Variants in NEK1 observed in about 807,000 individuals in gnomAD.
The protein encoded by NEK1 is NIMA related kinase 1.
In NEK1, 137 loss-of-function variants were observed where a neutral mutation model predicts 182.1. That is an observed-to-expected ratio of 0.75 (90% confidence interval 0.65 to 0.87). The LOEUF is 0.87. Ranked by LOEUF, NEK1 falls within the 40% of genes least tolerant of loss-of-function variation. The pLI, the probability that NEK1 is intolerant of heterozygous loss-of-function variation, is 0.00. For missense variants in NEK1, 1,391 were observed against 1,494.4 expected, an observed-to-expected ratio of 0.93 and a Z score of 1.14; for synonymous variants, 513 against 492.2, an observed-to-expected ratio of 1.04 and a Z score of -0.56.
chr4:169,548,451 C>G (rs1474342194), intron 18 of NEK1, among the ~76,000 whole-genome samples: 1 of 152,236 alleles, frequency 6.6e-6, no homozygotes, highest in Admixed American at 6.5e-5. Context: ...GGGTCAGGGA[C>G]CCACTTGAGG....
intron 19 of NEK1, among the ~76,000 whole-genome samples, chr4:169,518,374 T>C (rs889764098): frequency 2.3e-5 from 3 of 133,028 alleles, no homozygotes; most frequent in Admixed American, 7.2e-5. Context: ...TTTTTTATTG[T>C]GTCTATTTGA....
Position 169,400,096 on chromosome 4 carries a change from G to A in NEK1, c.3847+129C>T, listed in dbSNP as rs545152661. The A allele has an allele frequency of 2.9e-5, 26 of 906,766 alleles. No individual in the cohort carries two copies. In the African/African-American group the frequency reaches 4.1e-4, roughly 14 times the overall value. 56.2% of individuals were successfully genotyped at this position (906,766 alleles called of 1,614,324 possible). A position where few individuals can be genotyped will look rare whatever the true frequency, so the allele number is the denominator to read the frequency against. On this transcript the variant is annotated intron_variant, in intron 35 of 35. Coordinates refer to ENST00000507142, the MANE Select transcript of NEK1 (RefSeq NM_001199397.3). ...ACATGACAAAGTTAATTTTATTATTGCTTAAAAGTTATATAGTTCCCAAGT... is the reference window on the plus strand; with the variant it reads ...ACATGACAAAGTTAATTTTATTATTACTTAAAAGTTATATAGTTCCCAAGT...
intron 27 of NEK1, among the ~76,000 whole-genome samples, chr4:169,441,985 C>T (rs75184071): frequency 0.043 from 6,593 of 152,194 alleles, 507 homozygotes; most frequent in African/African-American, 0.15. Context: ...GCCACTGCCA[C>T]CATCCACCTG....
intron 18 of NEK1, among the ~76,000 whole-genome samples, chr4:169,541,007 T>G (rs760607025): frequency 2.0e-5 from 3 of 152,116 alleles, no homozygotes; most frequent in Non-Finnish European, 2.9e-5. Context: ...TGGTTCAAAT[T>G]CTTTACTGAT....
At chr4:169,491,163 A>AGAGC in intron 23 of NEK1, among the ~76,000 whole-genome samples, 1 of 109,356 alleles carries the variant, frequency 9.1e-6, no homozygotes, top group African/African-American at 4.6e-5. Context: ...AAAAAAAAAA[A>AGAGC]GAGAGATGGA....
intron 7 of NEK1, 56 bp downstream of exon 7, chr4:169,589,391 G>T: frequency 1.0e-6 from 1 of 959,918 alleles, no homozygotes; most frequent in Non-Finnish European, 1.6e-6. Flanking sequence ...ACATCATCAT[G>T]GATTGAAGGT....
chr4:169,595,939 A>AAATAAAAAT (rs1769398786), intron 5 of NEK1, among the ~76,000 whole-genome samples: 1 of 151,298 alleles, frequency 6.6e-6, no homozygotes, highest in African/African-American at 2.4e-5. Flanking sequence ...AAAAAAAAAA[A>AAATAAAAAT]AAAAAGGAAA....
In NEK1 at chr4:169,455,909, C is replaced by T. The variant is rs556748881; in HGVS notation, c.2587+7334G>A. ...CATTTCATCTAACAGCTGCAGAATA[C>T]GGCTTCTTCTCCTCAGTACATGAAT... On this transcript the variant is annotated intron_variant, in intron 27 of 35. Transcript: ENST00000507142. Among the ~76,000 whole-genome samples the T allele has an allele frequency of 3.9e-5, 6 of 152,276 alleles. No homozygotes were observed. In the South Asian group the frequency reaches 8.3e-4, roughly 21 times the overall value.
intron 2 of NEK1, among the ~76,000 whole-genome samples, chr4:169,609,866 A>T (rs1001081614): frequency 2.6e-5 from 4 of 152,166 alleles, no homozygotes; most frequent in African/African-American, 9.7e-5. Flanking sequence ...ATCCTTCAAC[A>T]ATTCCCCATC....
intron 23 of NEK1, among the ~76,000 whole-genome samples, chr4:169,485,961 C>G (rs992592664): frequency 6.6e-6 from 1 of 151,808 alleles, no homozygotes; most frequent in Non-Finnish European, 1.5e-5. Context: ...CAGGAGGATC[C>G]CTTGAGCCCA....
chr4:169,588,778 C>A, intron 7 of NEK1, 43 bp from the exon 8 acceptor site: 2 of 1,183,636 alleles, frequency 1.7e-6, no homozygotes, highest in South Asian at 2.6e-5. Context: ...AAGACACAGT[C>A]ATGTGCCACA....
intron 9 of NEK1, among the ~76,000 whole-genome samples, chr4:169,585,997 C>A (rs1767468239): frequency 6.6e-6 from 1 of 152,070 alleles, no homozygotes; most frequent in Non-Finnish European, 1.5e-5. Flanking sequence ...ATAAATAAAA[C>A]TACTAATACT....
chr4:169,542,283 T>C (rs1759576013), intron 18 of NEK1, among the ~76,000 whole-genome samples: 1 of 152,106 alleles, frequency 6.6e-6, no homozygotes, highest in Non-Finnish European at 1.5e-5. Context: ...TGTTCTTGTG[T>C]TAGTTTGCTG....
At chr4:169,595,895 C>T (rs1387096265) in intron 5 of NEK1, among the ~76,000 whole-genome samples, 1 of 143,098 alleles carries the variant, frequency 7.0e-6, no homozygotes, top group Non-Finnish European at 1.5e-5. Context: ...AGCACTCCAG[C>T]CTGGGGGACA....
At chr4:169,446,519 C>T (rs1212594148) in intron 27 of NEK1, among the ~76,000 whole-genome samples, 1 of 152,096 alleles carries the variant, frequency 6.6e-6, no homozygotes. Context: ...ACACCCATAA[C>T]ATCAAGACCA....
intron 33 of NEK1, among the ~76,000 whole-genome samples, chr4:169,401,078 A>G (rs1731595718): frequency 6.6e-6 from 1 of 152,208 alleles, no homozygotes; most frequent in African/African-American, 2.4e-5. Context: ...ATTTCAGGAA[A>G]GCACCTAGAA....
rs187323319 is a variant in NEK1 at position 169,604,172 on chromosome 4, T to C, written c.-48-1494A>G. 1.9e-4 allele frequency among the ~76,000 whole-genome samples: 29 copies of C among 152,340 alleles called. 1 individual carries two copies. The East Asian group carries it at 5.4e-3, about 28-fold the overall frequency. On this transcript the variant is annotated intron_variant, in intron 2 of 35. Coordinates refer to ENST00000507142, the MANE Select transcript of NEK1 (RefSeq NM_001199397.3). Reference sequence around the variant, plus strand: ...AGTTGCCTTTAAGTATAAAAGATTATTTTGATATAAACAAATGTATTAATC... The same window carrying C: ...AGTTGCCTTTAAGTATAAAAGATTACTTTGATATAAACAAATGTATTAATC...
chr4:169,469,275 T>C lies in NEK1; in HGVS notation c.2435-5880A>G, dbSNP rs188104318. Among the ~76,000 whole-genome samples, 105 of 152,336 alleles carry C rather than the reference T, an allele frequency of 6.9e-4. No homozygotes were observed. The Middle Eastern group carries it at 0.014, about 20-fold the overall frequency. On this transcript the variant is annotated intron_variant, in intron 26 of 35. Transcript: ENST00000507142. ...GCATTTAGTGCTATAAATTTCCCTC[T>C]AAACACTGCTTTAGCTGTGTCCCAG...
chr4:169,535,264 A>C (rs1043943245), intron 19 of NEK1, among the ~76,000 whole-genome samples: 4 of 152,166 alleles, frequency 2.6e-5, no homozygotes, highest in Non-Finnish European at 4.4e-5. Context: ...CAGAGGTTGC[A>C]GCAAGCGGAG....
Sources: gnomAD v4.1 joint callset for allele counts (sites outside exome capture counted in the v4.1 genomes callset) on GRCh38, gnomAD v4.1.1 for gene constraint, MANE v1.5 for transcripts, NCBI Gene and HGNC (gene_info 2026-07-23, HGNC 2026-07-21) for gene names.